SPIC: variants seen among roughly 807,000 people sequenced by gnomAD.
SPIC encodes the protein Spi-C transcription factor.
Under a neutral mutation model 16.7 loss-of-function variants are expected in SPIC, and 9 were observed. The observed-to-expected ratio is 0.54, with a 90% CI of 0.33 to 0.94. SPIC has a LOEUF of 0.94. Among genes scored for constraint, SPIC ranks in the 40% least tolerant of loss-of-function variants. The pLI, the probability that SPIC is intolerant of heterozygous loss-of-function variation, is 0.03. For synonymous variants in SPIC, 97 were observed against 102.9 expected (o/e 0.94, Z 0.35); for missense variants, 241 against 285.8 (o/e 0.84, Z 1.13).
At chr12:101,481,095 T>G (rs1428530224) in intron 4 of SPIC, among the ~76,000 whole-genome samples, 2 of 152,182 alleles carry the variant, frequency 1.3e-5, no homozygotes, top group Non-Finnish European at 2.9e-5. Flanking sequence ...TGTTTAACCC[T>G]TGGAAACCCA....
chr12:101,482,944 C>T, intron 5 of SPIC, 44 bp downstream of exon 5: 3 of 1,522,044 alleles, frequency 2.0e-6, no homozygotes, highest in Non-Finnish European at 2.7e-6. Flanking sequence ...AGAACCAGAT[C>T]TTCCTCATAG....
chr12:101,480,797 G>A (rs557275435), intron 4 of SPIC, among the ~76,000 whole-genome samples: 2 of 151,964 alleles, frequency 1.3e-5, no homozygotes, highest in African/African-American at 2.4e-5. Context: ...GACCAACCTG[G>A]GCAACAGAGC....
At chr12:101,481,695 G>A (rs1379989939) in intron 4 of SPIC, among the ~76,000 whole-genome samples, 1 of 151,292 alleles carries the variant, frequency 6.6e-6, no homozygotes, top group Non-Finnish European at 1.5e-5. Flanking sequence ...TGTATTTTTA[G>A]TAGAGACAGG....
chr12:101,477,936 C>G (rs1197081223), intron 3 of SPIC, among the ~76,000 whole-genome samples: 1 of 152,156 alleles, frequency 6.6e-6, no homozygotes, highest in African/African-American at 2.4e-5. Flanking sequence ...AATTGCTGAA[C>G]CTGAGAGGCA....
At chr12:101,481,106 C>T (rs1203437376) in intron 4 of SPIC, among the ~76,000 whole-genome samples, 1 of 152,226 alleles carries the variant, frequency 6.6e-6, no homozygotes, top group Non-Finnish European at 1.5e-5. Context: ...TGGAAACCCA[C>T]ATATTCTTCT....
chr12:101,477,514 A>G (rs1318610590), intron 2 of SPIC, 44 bp from the exon 3 acceptor site: 6 of 1,546,716 alleles, frequency 3.9e-6, no homozygotes, highest in Non-Finnish European at 5.4e-6. Flanking sequence ...ATTAAGTTTA[A>G]TTGGTAATTC....
Position 101,479,240 on chromosome 12 carries a change from G to GAA in SPIC, c.98-338_98-337dup, listed in dbSNP as rs1268905321. On this transcript the variant is annotated intron_variant, in intron 3 of 5. Transcript: ENST00000551346. Reference sequence around the variant, plus strand: ...AGAAAGAAGGAAAGAAAGAAAGAAAGAAAAAGAAAGAAAGAAGGAAGGAAA... The same window carrying GAA: ...AGAAAGAAGGAAAGAAAGAAAGAAAGAAAAAAAGAAAGAAAGAAGGAAGGAAA... 5.3e-5 allele frequency among the ~76,000 whole-genome samples: 3 copies of GAA among 56,328 alleles called. No individual in the cohort carries two copies. In the East Asian group the frequency reaches 9.5e-4, roughly 18 times the overall value. 37.0% of individuals were successfully genotyped at this position (56,328 alleles called of 152,430 possible).
intron 5 of SPIC, 66 bp from the exon 6 acceptor site, chr12:101,486,278 C>G: frequency 6.7e-7 from 1 of 1,490,168 alleles, no homozygotes; most frequent in South Asian, 1.3e-5. Context: ...GCTCAACAAA[C>G]CCTTTCTGAG....
At chr12:101,485,967 C>T (rs1305874231) in intron 5 of SPIC, among the ~76,000 whole-genome samples, 1 of 152,132 alleles carries the variant, frequency 6.6e-6, no homozygotes, top group Non-Finnish European at 1.5e-5. Flanking sequence ...CCCTGCCTGG[C>T]TAATTTTTGT....
intron 4 of SPIC, 107 bp downstream of exon 4, chr12:101,479,801 A>C: frequency 1.3e-6 from 1 of 744,770 alleles, no homozygotes. Context: ...ATTGACTATG[A>C]AAATGGTTTT....
intron 3 of SPIC, among the ~76,000 whole-genome samples, chr12:101,478,395 G>A (rs1484734136): frequency 6.6e-6 from 1 of 151,920 alleles, no homozygotes; most frequent in Non-Finnish European, 1.5e-5. Flanking sequence ...GTCTCACTAT[G>A]TTGCCCAGGC....
At chr12:101,479,477 T>C (rs1304880756) in intron 3 of SPIC, 105 bp from the exon 4 acceptor site, 4 of 788,632 alleles carry the variant, frequency 5.1e-6, no homozygotes, top group Non-Finnish European at 6.0e-6. Context: ...CAAGAAAACA[T>C]AGATGAGAGC....
intron 5 of SPIC, among the ~76,000 whole-genome samples, chr12:101,485,547 A>G (rs1177928756): frequency 6.6e-6 from 1 of 152,182 alleles, no homozygotes; most frequent in Non-Finnish European, 1.5e-5. Flanking sequence ...TTTATTTTTC[A>G]AGTAATTGTG....
chr12:101,481,391 C>T (rs537220060), intron 4 of SPIC, among the ~76,000 whole-genome samples: 1 of 151,938 alleles, frequency 6.6e-6, no homozygotes. Flanking sequence ...TTGCCCAGGC[C>T]GTAGTGCAAT....
Position 101,486,540 on chromosome 12 carries a change from A to T in SPIC, c.516A>T (p.Ala172=). The change falls in exon 6 of 6, where the codon GCA becomes GCT. Residue 172 remains alanine, a synonymous_variant. Transcript: ENST00000551346. ...TGACTTACCAGAAAATGGCCAGGGC[A>T]CTCAGAAATTACGGAAGAAGTGGGG... ...KTMTYQKMAR[A]LRNYGRSGEI... is the part of the protein sequence containing the mutation. The T allele has an allele frequency of 6.2e-7, 1 of 1,614,212 alleles. No individual in the cohort carries two copies. Among genetic ancestry groups the T allele is most frequent in the Non-Finnish European group, 8.5e-7 (1 of 1,180,038 alleles).
chr12:101,482,112 C>T (rs906553513), intron 4 of SPIC, among the ~76,000 whole-genome samples: 18 of 150,636 alleles, frequency 1.2e-4, no homozygotes, highest in South Asian at 4.2e-4. Context: ...CATGGTGGCA[C>T]GCCCAGCTAC....
At chr12:101,481,778 T>C (rs113199035) in intron 4 of SPIC, among the ~76,000 whole-genome samples, 1 of 151,272 alleles carries the variant, frequency 6.6e-6, no homozygotes, top group Non-Finnish European at 1.5e-5. Flanking sequence ...CCTCCCAAAG[T>C]GTTGGAATTA....
intron 2 of SPIC, 119 bp downstream of exon 2, chr12:101,477,026 G>A (rs7979430): frequency 0.51 from 252,396 of 497,840 alleles, 69,657 homozygotes; most frequent in Non-Finnish European, 0.58. Flanking sequence ...TATCGATCAT[G>A]TTAATAAGGA....
Position 101,486,475 on chromosome 12 carries a change from G to C in SPIC, c.451G>C (p.Ala151Pro). 1.2e-6 allele frequency: 2 copies of C among 1,614,142 alleles called. No homozygotes were observed. Among genetic ancestry groups the C allele is most frequent in the Non-Finnish European group, 1.7e-6 (2 of 1,180,040 alleles). ...TGTATCAAAAAACAAAGAAAAACTT[G>C]CCGAGCTTTGGGGGAAAAGAAAAGG... ...QFVSKNKEKL[A>P]ELWGKRKGNR... Residue 151 changes from alanine to proline, a missense_variant, in exon 6 of 6, where the codon GCC (alanine) becomes CCC (proline). Coordinates refer to ENST00000551346, the MANE Select transcript of SPIC (RefSeq NM_152323.3).
Sources: gnomAD v4.1 joint callset for allele counts (sites outside exome capture counted in the v4.1 genomes callset) on GRCh38, gnomAD v4.1.1 for gene constraint, MANE v1.5 for transcripts, NCBI Gene and HGNC (gene_info 2026-07-23, HGNC 2026-07-21) for gene names.